The following HSD17B3 variants were observed in gnomAD, a reference collection of about 807,000 sequenced individuals.
The protein encoded by HSD17B3 is 17-beta-hydroxysteroid dehydrogenase type 3.
In HSD17B3, 29 loss-of-function variants were observed where a neutral mutation model predicts 41.1. The ratio of observed to expected loss-of-function variants is 0.71; its 90% CI spans 0.53 to 0.96. The LOEUF (loss-of-function observed/expected upper bound fraction) is 0.96. Ranked by LOEUF, HSD17B3 falls within the 40% of genes least tolerant of loss-of-function variation. HSD17B3 has a pLI of 0.00. For synonymous variants in HSD17B3, 126 were observed against 145.6 expected (o/e 0.87, Z 0.97); for missense variants, 323 against 374.6 (o/e 0.86, Z 1.14).
chr9:96,302,045 G>C lies in HSD17B3; in HGVS notation c.60C>G (p.Cys20Trp). The change falls in exon 1 of 11, where the codon TGC becomes TGG. Residue 20 changes from cysteine (C) to tryptophan (W), a missense_variant. By Grantham distance (215) the Cys-to-Trp change is radical. Coordinates refer to ENST00000375263, the MANE Select transcript of HSD17B3 (RefSeq NM_000197.2). ...ILTGLLVCLA[C>W]LAKCVRFSRC... is the part of the protein sequence containing the mutation. Reference sequence around the variant, plus strand: ...TGGAGAATCTCACGCACTTCGCCAGGCAGGCCAGGCACACCAGCAGCCCTG... The same window carrying C: ...TGGAGAATCTCACGCACTTCGCCAGCCAGGCCAGGCACACCAGCAGCCCTG... The C allele has an allele frequency of 6.2e-7, 1 of 1,614,042 alleles. No individual in the cohort carries two copies. Among genetic ancestry groups the C allele is most frequent in the East Asian group, 2.2e-5 (1 of 44,880 alleles).
chr9:96,248,802 A>G (rs536645145), intron 6 of HSD17B3, among the ~76,000 whole-genome samples: 24 of 152,300 alleles, frequency 1.6e-4, no homozygotes, highest in African/African-American at 5.5e-4. Flanking sequence ...AATTGTCTAC[A>G]TAGGATAGCT....
At chr9:96,289,738 G>A (rs1220142144) in intron 2 of HSD17B3, among the ~76,000 whole-genome samples, 1 of 152,122 alleles carries the variant, frequency 6.6e-6, no homozygotes, top group Non-Finnish European at 1.5e-5. Context: ...TGTCTGGGCT[G>A]GCATTGTTCC....
intron 2 of HSD17B3, among the ~76,000 whole-genome samples, chr9:96,272,405 C>CTCTCTCTCTCTCTCTA (rs1239816824): frequency 3.3e-4 from 7 of 21,534 alleles, no homozygotes; most frequent in Non-Finnish European, 4.4e-4. Flanking sequence ...CTCTCTCTCT[C>CTCTCTCTCTCTCTCTA]TATATATATA....
At chr9:96,292,007 A>G (rs775438903) in intron 2 of HSD17B3, among the ~76,000 whole-genome samples, 1 of 152,130 alleles carries the variant, frequency 6.6e-6, no homozygotes, top group Non-Finnish European at 1.5e-5. Context: ...CACAAAACAA[A>G]TGGCAAAAAT....
At chr9:96,289,391 G>A (rs193020970) in intron 2 of HSD17B3, among the ~76,000 whole-genome samples, 7 of 152,124 alleles carry the variant, frequency 4.6e-5, no homozygotes, top group Middle Eastern at 3.4e-3. Flanking sequence ...CTAAACCAAG[G>A]ACAGTCCTAT....
rs561839426 is a variant in HSD17B3 at position 96,284,569 on chromosome 9, G to A, written c.201+13847C>T. 7.2e-5 allele frequency among the ~76,000 whole-genome samples: 11 copies of A among 152,294 alleles called. No homozygotes were observed. In the South Asian group the frequency reaches 1.5e-3, roughly 20 times the overall value. ...CTGGAATGGTGTGCTTTCCTTTAAG[G>A]AATCATACTTGACTTGTAAAGCCAG... is the stretch of plus-strand genomic sequence containing the variant. On this transcript the variant is annotated intron_variant, in intron 2 of 10. Coordinates refer to ENST00000375263, the MANE Select transcript of HSD17B3 (RefSeq NM_000197.2).
chr9:96,292,799 C>T (rs1484785412), intron 2 of HSD17B3, among the ~76,000 whole-genome samples: 1 of 152,216 alleles, frequency 6.6e-6, no homozygotes, highest in Non-Finnish European at 1.5e-5. Flanking sequence ...GAGAGAAACA[C>T]TCCCCTGTTT....
intron 2 of HSD17B3, among the ~76,000 whole-genome samples, chr9:96,259,617 G>A (rs568551972): frequency 6.6e-6 from 1 of 152,132 alleles, no homozygotes; most frequent in East Asian, 1.9e-4. Context: ...GCTACTCAGG[G>A]GGCTGAGGCA....
intron 2 of HSD17B3, among the ~76,000 whole-genome samples, chr9:96,293,610 C>A (rs1223348593): frequency 6.6e-6 from 1 of 151,872 alleles, no homozygotes. Context: ...CTCCCTTCCT[C>A]CCCTGCCCCC....
chr9:96,267,395 T>G (rs1028770393), intron 2 of HSD17B3, among the ~76,000 whole-genome samples: 1 of 151,976 alleles, frequency 6.6e-6, no homozygotes. Flanking sequence ...TGACCTCAAG[T>G]GATCCACCCA....
intron 2 of HSD17B3, among the ~76,000 whole-genome samples, chr9:96,275,431 C>T (rs1050169956): frequency 4.6e-5 from 7 of 151,752 alleles, no homozygotes; most frequent in African/African-American, 1.7e-4. Context: ...AAAAAGCAAA[C>T]TTTACAGGCA....
chr9:96,272,875 C>A (rs1000522832), intron 2 of HSD17B3, among the ~76,000 whole-genome samples: 1 of 152,052 alleles, frequency 6.6e-6, no homozygotes, highest in Non-Finnish European at 1.5e-5. Flanking sequence ...GAATTCTACT[C>A]GGCACTAAGA....
intron 2 of HSD17B3, among the ~76,000 whole-genome samples, chr9:96,260,819 G>C (rs1337567326): frequency 1.3e-5 from 2 of 152,152 alleles, no homozygotes; most frequent in African/African-American, 4.8e-5. Flanking sequence ...CAACTAAGAG[G>C]AATGTGTGAA....
intron 2 of HSD17B3, among the ~76,000 whole-genome samples, chr9:96,294,829 T>C (rs1053444391): frequency 2.6e-5 from 4 of 152,200 alleles, no homozygotes; most frequent in Non-Finnish European, 5.9e-5. Context: ...CACTCAAATA[T>C]GACCACTCAT....
At chr9:96,274,290 T>G (rs1826368474) in intron 2 of HSD17B3, among the ~76,000 whole-genome samples, 1 of 151,974 alleles carries the variant, frequency 6.6e-6, no homozygotes, top group African/African-American at 2.4e-5. Context: ...AATACAAAAA[T>G]TAGCTGGGCA....
intron 2 of HSD17B3, among the ~76,000 whole-genome samples, chr9:96,281,991 T>A (rs1411239814): frequency 6.6e-6 from 1 of 152,206 alleles, no homozygotes; most frequent in Non-Finnish European, 1.5e-5. Context: ...AGTCGTAAGC[T>A]GCAGCAAATT....
At chr9:96,254,972 C>A (rs761349118) in intron 2 of HSD17B3, 29 bp from the exon 3 acceptor site, 1 of 1,594,702 alleles carries the variant, frequency 6.3e-7, no homozygotes, top group African/African-American at 1.3e-5. Context: ...AACCAAGAGA[C>A]AAGGATGATG....
chr9:96,299,513 A>G (rs577206405), intron 1 of HSD17B3, among the ~76,000 whole-genome samples: 1 of 152,314 alleles, frequency 6.6e-6, no homozygotes, highest in South Asian at 2.1e-4. Flanking sequence ...GATACCATCA[A>G]TAATAACGAC....
intron 10 of HSD17B3, among the ~76,000 whole-genome samples, chr9:96,240,486 G>T (rs1336807172): frequency 6.6e-6 from 1 of 152,124 alleles, no homozygotes; most frequent in Non-Finnish European, 1.5e-5. Flanking sequence ...CATATATCTT[G>T]GTCTTCCCTG....
Sources: gnomAD v4.1 joint callset for allele counts (sites outside exome capture counted in the v4.1 genomes callset) on GRCh38, gnomAD v4.1.1 for gene constraint, MANE v1.5 for transcripts, NCBI Gene and HGNC (gene_info 2026-07-23, HGNC 2026-07-21) for gene names.